Variants in PIH1D1 observed in about 807,000 individuals in gnomAD.
PIH1D1 encodes PIH1 domain-containing protein 1.
A neutral mutation model predicts 38.5 loss-of-function variants in PIH1D1; 28 were observed. The ratio of observed to expected loss-of-function variants is 0.73; its 90% CI spans 0.54 to 1.00. The LOEUF (loss-of-function observed/expected upper bound fraction) is 1.00, where lower values mean the gene tolerates loss of function less well. Ranked by LOEUF, PIH1D1 falls within the 50% of genes least tolerant of loss-of-function variation. The probability of loss-of-function intolerance (pLI) is 0.00; values close to 1 mark genes in which losing one functional copy is unlikely to be tolerated. For missense variants in PIH1D1, 343 were observed against 369.9 expected (o/e 0.93, Z 0.60); for synonymous variants, 155 against 153.5 (o/e 1.01, Z -0.07).
intron 7 of PIH1D1, 37 bp downstream of exon 7, chr19:49,446,987 C>T: frequency 6.5e-7 from 1 of 1,534,512 alleles, no homozygotes; most frequent in Non-Finnish European, 9.0e-7. Context: ...CTTTCCAGAC[C>T]TCATTCCCCT....
intron 2 of PIH1D1, among the ~76,000 whole-genome samples, chr19:49,449,981 G>C (rs1206568127): frequency 6.6e-6 from 1 of 152,056 alleles, no homozygotes; most frequent in Non-Finnish European, 1.5e-5. Context: ...TTTTAGTAGA[G>C]ATGGAGTTTC....
Position 49,451,658 on chromosome 19 carries a change from G to T in PIH1D1, c.-84C>A. ...GGATCCGAACCCCAGTGCCTGCTCT[G>T]GCCCTCAATCGACTCCGGATACCTA... On this transcript the variant is annotated 5_prime_UTR_variant, in exon 1 of 9. Coordinates refer to ENST00000262265, the MANE Select transcript of PIH1D1 (RefSeq NM_017916.3). 1 of 1,567,114 alleles carries T rather than the reference G, an allele frequency of 6.4e-7. No individual in the cohort carries two copies.
chr19:49,447,211 A>G (rs936343685), intron 6 of PIH1D1, 112 bp from the exon 7 acceptor site: 2 of 1,494,242 alleles, frequency 1.3e-6, no homozygotes, highest in Non-Finnish European at 1.8e-6. Flanking sequence ...CTTCCCAGTC[A>G]GGAGTTCTCT....
Position 49,448,067 on chromosome 19 carries a change from G to C in PIH1D1, c.338-5C>G, listed in dbSNP as rs559926424. 1.5e-4 allele frequency: 242 copies of C among 1,614,028 alleles called. 1 individual carries two copies. In the South Asian group the frequency reaches 2.4e-3, roughly 16 times the overall value. The stretch of plus-strand genomic sequence containing the variant: ...AGGCGGTACATCCCTGGCCTTCTGC[G>C]GGGAGAAAAAGGGGGTGAGGACCCC... On this transcript the variant is annotated splice_region_variant and splice_polypyrimidine_tract_variant and intron_variant, in intron 3 of 8. Transcript: ENST00000262265.
At chr19:49,449,349 A>T in intron 3 of PIH1D1, 126 bp downstream of exon 3, 1 of 887,628 alleles carries the variant, frequency 1.1e-6, no homozygotes, top group African/African-American at 1.6e-5. Flanking sequence ...CCATAGGGAA[A>T]AGAATCAGAT....
chr19:49,447,875 T>C lies in PIH1D1; in HGVS notation c.433A>G (p.Ile145Val), dbSNP rs1226083621. 4 of 1,614,018 alleles carry C rather than the reference T, an allele frequency of 2.5e-6. No homozygotes were observed. In the East Asian group the frequency reaches 8.9e-5, roughly 36 times the overall value. Residue 145 changes from isoleucine (I) to valine (V), a missense_variant, in exon 5 of 9, where the codon ATC becomes GTC. Ile to Val is a conservative substitution (Grantham distance 29, BLOSUM62 3). Coordinates refer to ENST00000262265, the MANE Select transcript of PIH1D1 (RefSeq NM_017916.3). ...TTGTCCTCAAGGCCCTCCCTGGCGA[T>C]GGTGATCACGAGCTCCCGCAAGAAA... is the stretch of plus-strand genomic sequence containing the variant. ...SDFLRELVIT[I>V]AREGLEDKYN...
chr19:49,447,170 C>T, intron 6 of PIH1D1, 71 bp from the exon 7 acceptor site: 2 of 1,493,104 alleles, frequency 1.3e-6, no homozygotes, highest in African/African-American at 1.4e-5. Flanking sequence ...CCCTTTTCTC[C>T]CTCCAACCAG....
chr19:49,447,488 C>A (rs775630606), intron 5 of PIH1D1, 21 bp from the exon 6 acceptor site: 1 of 1,604,780 alleles, frequency 6.2e-7, no homozygotes, highest in Non-Finnish European at 8.5e-7. Flanking sequence ...GGAGCGCCGT[C>A]AAACATCGTA....
intron 5 of PIH1D1, 119 bp downstream of exon 5, chr19:49,447,708 C>G (rs921637109): frequency 1.4e-5 from 16 of 1,116,720 alleles, no homozygotes; most frequent in Non-Finnish European, 2.1e-5. Context: ...GACTCCACCC[C>G]CTCCTAGTAG....
chr19:49,446,730 C>T, intron 7 of PIH1D1, 36 bp from the exon 8 acceptor site: 1 of 1,529,946 alleles, frequency 6.5e-7, no homozygotes, highest in Non-Finnish European at 8.8e-7. Context: ...CCCTCCCCAG[C>T]AACAGGATGA....
Position 49,446,351 on chromosome 19 carries a change from C to G in PIH1D1, c.*31G>C. ...TTAGGGAAGCCAGCAGCCTCTTCTC[C>G]ACATCTCAGAAGCACAAGGAGACAC... On this transcript the variant is annotated 3_prime_UTR_variant, in exon 9 of 9. Transcript: ENST00000262265. 1.3e-6 allele frequency: 1 copy of G among 790,646 alleles called. No individual in the cohort carries two copies. Among genetic ancestry groups the G allele is most frequent in the Non-Finnish European group, 2.3e-6 (1 of 426,918 alleles). The allele number at this position is 790,646 out of a possible 1,614,324, so 49.0% of individuals were successfully genotyped here. A position where few individuals can be genotyped will look rare whatever the true frequency, so the allele number is the denominator to read the frequency against.
chr19:49,448,033 C>A lies in PIH1D1; in HGVS notation c.367G>T (p.Ala123Ser). ...CTCCGGTAGAAGTCGCTGTTGACAG[C>A]TACGTCGTAGGCGGTACATCCCTGG... ...KGQGCTAYDV[A>S]VNSDFYRRMQ... The change falls in exon 4 of 9, where the codon GCT (alanine) becomes TCT (serine). Residue 123 changes from alanine to serine, a missense_variant. Ala to Ser is a moderately conservative substitution (Grantham distance 99, BLOSUM62 1). Coordinates refer to ENST00000262265, the MANE Select transcript of PIH1D1 (RefSeq NM_017916.3). The A allele has an allele frequency of 6.2e-7, 1 of 1,614,216 alleles. No homozygotes were observed. The highest frequency in any genetic ancestry group is 8.5e-7 in the Non-Finnish European group (1 of 1,180,024).
At chr19:49,448,457 C>T in intron 3 of PIH1D1, 1 of 283,138 alleles carries the variant, frequency 3.5e-6, no homozygotes, top group Non-Finnish European at 6.9e-6. Context: ...AGTCACTCTC[C>T]ATTACTGGCT....
At position 49,450,677 on chromosome 19, in the gene PIH1D1, A is replaced by AGCCCCC; in HGVS notation, c.157+104_157+105insGGGGGC. 1.7e-5 allele frequency: 6 copies of AGCCCCC among 353,416 alleles called. No homozygotes were observed. In the East Asian group the frequency reaches 1.9e-4, roughly 11 times the overall value. The allele number at this position is 353,416 out of a possible 1,614,324, so 21.9% of individuals were successfully genotyped here. The stretch of plus-strand genomic sequence containing the variant: ...GGATGATCTCTGTGGGTGTCTGCTC[A>AGCCCCC]CCCCACCCCCACCCTAGGCCTTTAT... On this transcript the variant is annotated intron_variant, in intron 2 of 8. Coordinates refer to ENST00000262265, the MANE Select transcript of PIH1D1 (RefSeq NM_017916.3).
Position 49,447,952 on chromosome 19 carries a change from T to C in PIH1D1, c.400-44A>G, listed in dbSNP as rs761792860. Reference sequence around the variant, plus strand: ...AAAAGACAGGCGGTGGCGGGGAGGGTAGGGGTAGAGACCCCTGCCCAGGCC... The same window carrying C: ...AAAAGACAGGCGGTGGCGGGGAGGGCAGGGGTAGAGACCCCTGCCCAGGCC... On this transcript the variant is annotated intron_variant, in intron 4 of 8. Coordinates refer to ENST00000262265, the MANE Select transcript of PIH1D1 (RefSeq NM_017916.3). The C allele has an allele frequency of 8.7e-6, 14 of 1,610,384 alleles. No individual in the cohort carries two copies. The South Asian group carries it at 1.5e-4, about 18-fold the overall frequency.
At chr19:49,450,981 C>T in intron 1 of PIH1D1, 133 bp from the exon 2 acceptor site, 2 of 1,507,928 alleles carry the variant, frequency 1.3e-6, no homozygotes, top group Non-Finnish European at 1.8e-6. Context: ...GGTCCCCTTT[C>T]TCCTTTGAGA....
intron 5 of PIH1D1, 29 bp downstream of exon 5, chr19:49,447,798 T>G (rs755075322): frequency 2.5e-6 from 4 of 1,608,296 alleles, no homozygotes; most frequent in Non-Finnish European, 2.6e-6. Flanking sequence ...GCTCCACTCT[T>G]TCCCGAGGGC....
Position 49,447,091 on chromosome 19 carries a change from T to C in PIH1D1, c.620A>G (p.Lys207Arg). The change falls in exon 7 of 9, where the codon AAG becomes AGG. Residue 207 changes from lysine to arginine, a missense_variant. Physicochemically the swap from Lys to Arg is conservative, Grantham distance 26. Coordinates refer to ENST00000262265, the MANE Select transcript of PIH1D1 (RefSeq NM_017916.3). ...TTCCAGCCACAGGTTCAGGTGAGGCTTTTCAGGCCTGAGGAGGAACAAGGT... is the reference window on the plus strand; with the variant it reads ...TTCCAGCCACAGGTTCAGGTGAGGCCTTTCAGGCCTGAGGAGGAACAAGGT... The part of the protein sequence containing the change: ...APGRAESGPE[K>R]PHLNLWLEAP... 6.2e-7 allele frequency: 1 copy of C among 1,612,316 alleles called. No homozygotes were observed. The highest frequency in any genetic ancestry group is 8.5e-7 in the Non-Finnish European group (1 of 1,179,296).
At position 49,451,791 on chromosome 19, in the gene PIH1D1, C is replaced by G. The variant is rs2079063005; in HGVS notation, c.-217G>C. On this transcript the variant is annotated 5_prime_UTR_variant, in exon 1 of 9. Transcript: ENST00000262265. ...ATGTGTCTCTAGACGCACTACCCTC[C>G]GTCCTACGTGCCGAACTGTAAACGA... is the stretch of plus-strand genomic sequence containing the variant. 2.2e-6 allele frequency: 3 copies of G among 1,354,056 alleles called. No individual in the cohort carries two copies. Among genetic ancestry groups the G allele is most frequent in the Non-Finnish European group, 2.9e-6 (3 of 1,042,388 alleles). The allele number at this position is 1,354,056 out of a possible 1,614,324, so 83.9% of individuals were successfully genotyped here.
Sources: allele counts gnomAD v4.1 joint callset (sites outside exome capture counted in the v4.1 genomes callset), GRCh38; gene constraint gnomAD v4.1.1; transcripts MANE v1.5; gene names NCBI Gene and HGNC (gene_info 2026-07-23, HGNC 2026-07-21).